The following PRCP variants were observed in gnomAD, a reference collection of about 807,000 sequenced individuals.
PRCP encodes the protein prolylcarboxypeptidase.
In PRCP, 46 loss-of-function variants were observed where a neutral mutation model predicts 54.2. The observed-to-expected ratio is 0.85, with a 90% confidence interval of 0.67 to 1.09. PRCP has a LOEUF of 1.09. Among genes scored for constraint, PRCP ranks in the 50% least tolerant of loss-of-function variants. The pLI is 0.00. For synonymous variants in PRCP, 240 were observed against 212.2 expected (o/e 1.13, Z -1.14); for missense variants, 613 against 596.8 (o/e 1.03, Z -0.28).
intron 1 of PRCP, among the ~76,000 whole-genome samples, chr11:82,893,302 T>C (rs1860044592): frequency 6.6e-6 from 1 of 152,216 alleles, no homozygotes; most frequent in Admixed American, 6.5e-5. Context: ...GTAAGGGTCA[T>C]ACATTTTGTT....
At chr11:82,867,383 T>G (rs1248134332) in intron 1 of PRCP, among the ~76,000 whole-genome samples, 1 of 152,168 alleles carries the variant, frequency 6.6e-6, no homozygotes, top group African/African-American at 2.4e-5. Flanking sequence ...ACTCTTTGCT[T>G]TACTGCTAAA....
intron 6 of PRCP, among the ~76,000 whole-genome samples, chr11:82,844,642 A>T (rs2121119577): frequency 6.7e-6 from 1 of 149,468 alleles, no homozygotes; most frequent in South Asian, 2.2e-4. Flanking sequence ...CTAAGGCAGG[A>T]GAATCGCTTG....
chr11:82,869,741 G>A (rs545219650), intron 1 of PRCP, among the ~76,000 whole-genome samples: 1 of 152,330 alleles, frequency 6.6e-6, no homozygotes, highest in East Asian at 1.9e-4. Context: ...AATGAGAATG[G>A]AAAGCAAAGT....
chr11:82,876,456 G>A (rs571474236), intron 1 of PRCP, among the ~76,000 whole-genome samples: 3 of 152,132 alleles, frequency 2.0e-5, no homozygotes, highest in African/African-American at 7.2e-5. Flanking sequence ...CATTTGGCAC[G>A]TGATATAGTT....
chr11:82,833,176 A>G (rs897061898), intron 8 of PRCP, among the ~76,000 whole-genome samples: 3 of 152,252 alleles, frequency 2.0e-5, no homozygotes, highest in Non-Finnish European at 2.9e-5. Flanking sequence ...AGATACAGAG[A>G]TGATTAAGAT....
intron 1 of PRCP, among the ~76,000 whole-genome samples, chr11:82,867,786 G>C (rs1859377364): frequency 6.6e-6 from 1 of 152,068 alleles, no homozygotes; most frequent in African/African-American, 2.4e-5. Context: ...AGAGTGGCCA[G>C]ATCATAGCTC....
In PRCP at chr11:82,850,215, G is replaced by A. The variant is rs1858918483; in HGVS notation, c.593+109C>T. Reference sequence around the variant, plus strand: ...TAACACAGCTGTTAATGAGACAGAAGCCAGAAACCTCAGGGTAATGGCATG... The same window carrying A: ...TAACACAGCTGTTAATGAGACAGAAACCAGAAACCTCAGGGTAATGGCATG... On this transcript the variant is annotated intron_variant, in intron 4 of 8. Coordinates refer to ENST00000313010, the MANE Select transcript of PRCP (RefSeq NM_005040.4). 5 of 1,116,718 alleles carry A rather than the reference G, an allele frequency of 4.5e-6. No homozygotes were observed. The African/African-American group carries it at 8.1e-5, about 18-fold the overall frequency. The allele number at this position is 1,116,718 out of a possible 1,614,324, so 69.2% of individuals were successfully genotyped here.
At chr11:82,880,751 A>C (rs962581527) in intron 1 of PRCP, among the ~76,000 whole-genome samples, 1 of 152,186 alleles carries the variant, frequency 6.6e-6, no homozygotes, top group Non-Finnish European at 1.5e-5. Flanking sequence ...AATATTGAGA[A>C]GGAAAACAAA....
At chr11:82,876,854 G>A (rs111423447) in intron 1 of PRCP, among the ~76,000 whole-genome samples, 2,487 of 152,278 alleles carry the variant, frequency 0.016, 61 homozygotes, top group African/African-American at 0.056. Flanking sequence ...AAGGATACCC[G>A]AAAATGTGGA....
At chr11:82,863,890 A>G (rs1452244904) in intron 1 of PRCP, among the ~76,000 whole-genome samples, 1 of 152,190 alleles carries the variant, frequency 6.6e-6, no homozygotes, top group African/African-American at 2.4e-5. Context: ...GCAAGAAAGC[A>G]GACTTCGGAG....
intron 3 of PRCP, among the ~76,000 whole-genome samples, chr11:82,851,444 C>T (rs10898038): frequency 0.23 from 34,036 of 148,112 alleles, 4,451 homozygotes; most frequent in Admixed American, 0.29. Flanking sequence ...CCCTTAACTG[C>T]AGCCTCTTGT....
chr11:82,825,190 A>G (rs1457524692), intron 8 of PRCP, 68 bp from the exon 9 acceptor site: 5 of 1,396,970 alleles, frequency 3.6e-6, no homozygotes, highest in Non-Finnish European at 3.9e-6. Flanking sequence ...GATAAGCTAG[A>G]AGAAACCTAT....
At chr11:82,873,641 T>C (rs975776877) in intron 1 of PRCP, among the ~76,000 whole-genome samples, 2 of 152,202 alleles carry the variant, frequency 1.3e-5, no homozygotes, top group African/African-American at 2.4e-5. Flanking sequence ...ATAAACTACA[T>C]GTTTAAAAAA....
At chr11:82,879,821 G>A (rs898718662) in intron 1 of PRCP, among the ~76,000 whole-genome samples, 2 of 152,180 alleles carry the variant, frequency 1.3e-5, no homozygotes, top group African/African-American at 4.8e-5. Context: ...CTGTTTGCCT[G>A]GTATCACCAG....
intron 1 of PRCP, among the ~76,000 whole-genome samples, chr11:82,877,795 C>G (rs1180334290): frequency 6.6e-6 from 1 of 152,174 alleles, no homozygotes; most frequent in Non-Finnish European, 1.5e-5. Flanking sequence ...GAGTCAGAGC[C>G]CCCACACAGA....
chr11:82,890,618 T>A (rs1223699556), intron 1 of PRCP, among the ~76,000 whole-genome samples: 1 of 152,174 alleles, frequency 6.6e-6, no homozygotes, highest in East Asian at 1.9e-4. Flanking sequence ...ATATTTCTGC[T>A]CCCCTTCACA....
At chr11:82,833,299 G>A (rs943116363) in intron 8 of PRCP, among the ~76,000 whole-genome samples, 5 of 152,162 alleles carry the variant, frequency 3.3e-5, no homozygotes, top group African/African-American at 4.8e-5. Flanking sequence ...GAAGTAAGGG[G>A]GAAGTGGAAA....
At chr11:82,844,298 T>C (rs573079446) in intron 6 of PRCP, among the ~76,000 whole-genome samples, 5 of 152,154 alleles carry the variant, frequency 3.3e-5, no homozygotes, top group African/African-American at 1.2e-4. Context: ...ATACAGACTC[T>C]AGTAATCCCA....
chr11:82,881,726 G>A (rs753385383), intron 1 of PRCP, among the ~76,000 whole-genome samples: 8 of 152,170 alleles, frequency 5.3e-5, no homozygotes, highest in Non-Finnish European at 7.4e-5. Context: ...GTGATTGACT[G>A]GATTTTGGTT....
Sources: gnomAD v4.1 joint callset for allele counts (sites outside exome capture counted in the v4.1 genomes callset) on GRCh38, gnomAD v4.1.1 for gene constraint, MANE v1.5 for transcripts, NCBI Gene and HGNC (gene_info 2026-07-23, HGNC 2026-07-21) for gene names.